Variants in TPST1 observed in about 807,000 individuals in gnomAD.
TPST1 encodes the protein tyrosylprotein sulfotransferase 1.
A neutral mutation model predicts 34.8 loss-of-function variants in TPST1; 20 were observed. The observed-to-expected ratio is 0.57, with a 90% CI of 0.40 to 0.84. The LOEUF (loss-of-function observed/expected upper bound fraction) is 0.84. TPST1 is among the 40% of genes least tolerant of loss of function. TPST1 has a pLI of 0.00. For synonymous variants in TPST1, 152 were observed against 159.4 expected, an observed-to-expected ratio of 0.95 and a Z score of 0.35; for missense variants, 353 against 455.5, an observed-to-expected ratio of 0.78 and a Z score of 2.05.
At position 66,280,795 on chromosome 7, in the gene TPST1, A is replaced by G. The variant is rs986907800; in HGVS notation, c.846-5716A>G. On this transcript the variant is annotated intron_variant, in intron 2 of 5. Transcript: ENST00000304842. ...TTTCTTGTTAGTTTAGCTATTGTTC[A>G]TTACTTGATGCTGAAATTGCTCTTA... 2.6e-5 allele frequency among the ~76,000 whole-genome samples: 4 copies of G among 152,264 alleles called. No individual in the cohort carries two copies. In the East Asian group the frequency reaches 5.8e-4, roughly 22 times the overall value.
chr7:66,329,755 A>G (rs1192669518), intron 3 of TPST1, among the ~76,000 whole-genome samples: 2 of 152,240 alleles, frequency 1.3e-5, no homozygotes, highest in African/African-American at 4.8e-5. Context: ...ACCATGAAAT[A>G]TTGCACAGCC....
At chr7:66,312,199 G>A (rs1791545105) in intron 3 of TPST1, among the ~76,000 whole-genome samples, 2 of 152,270 alleles carry the variant, frequency 1.3e-5, no homozygotes. Context: ...TTAAGAAATA[G>A]GTTCCCCTCA....
intron 3 of TPST1, among the ~76,000 whole-genome samples, chr7:66,313,512 C>A (rs1023833454): frequency 6.6e-6 from 1 of 152,136 alleles, no homozygotes; most frequent in Non-Finnish European, 1.5e-5. Context: ...GAGCAGTGGG[C>A]AGTGATCCTT....
intron 3 of TPST1, among the ~76,000 whole-genome samples, chr7:66,315,838 C>T (rs1007903227): frequency 6.6e-5 from 10 of 151,828 alleles, no homozygotes; most frequent in Admixed American, 4.6e-4. Context: ...GGGCCAGGTG[C>T]GGTAGCACAC....
intron 2 of TPST1, among the ~76,000 whole-genome samples, chr7:66,260,857 A>G (rs949648100): frequency 6.6e-6 from 1 of 152,208 alleles, no homozygotes; most frequent in African/African-American, 2.4e-5. Flanking sequence ...CTAATATCCA[A>G]TAAATTATGA....
chr7:66,342,873 G>C (rs1382818626), intron 3 of TPST1, among the ~76,000 whole-genome samples: 7 of 152,090 alleles, frequency 4.6e-5, no homozygotes, highest in Non-Finnish European at 1.0e-4. Flanking sequence ...CTTCCCACTA[G>C]GCCCCACCTT....
chr7:66,292,865 G>A (rs1216761666), intron 3 of TPST1, among the ~76,000 whole-genome samples: 3 of 151,940 alleles, frequency 2.0e-5, no homozygotes, highest in Non-Finnish European at 4.4e-5. Context: ...TTCCTATTCG[G>A]CCATCTTGGC....
intron 3 of TPST1, among the ~76,000 whole-genome samples, chr7:66,346,219 A>G (rs555808959): frequency 1.3e-5 from 2 of 151,664 alleles, no homozygotes; most frequent in Non-Finnish European, 1.5e-5. Flanking sequence ...TCCTTTATCC[A>G]TTTATCTGTT....
intron 1 of TPST1, among the ~76,000 whole-genome samples, chr7:66,223,658 G>A (rs1789591538): frequency 6.6e-6 from 1 of 151,964 alleles, no homozygotes; most frequent in African/African-American, 2.4e-5. Flanking sequence ...TGATTTATAG[G>A]TCTGAGAAGT....
chr7:66,233,884 AAG>A (rs1189124981), intron 1 of TPST1, among the ~76,000 whole-genome samples: 3 of 151,534 alleles, frequency 2.0e-5, no homozygotes, highest in African/African-American at 7.3e-5. Context: ...TTTCTGAGAC[AAG>A]AGTGTCTCTC....
At chr7:66,220,487 C>T (rs11766473) in intron 1 of TPST1, among the ~76,000 whole-genome samples, 8,757 of 152,170 alleles carry the variant, frequency 0.058, 339 homozygotes, top group Non-Finnish European at 0.083. Context: ...GGAAGGACAC[C>T]TGTGTCGTAT....
chr7:66,278,999 A>C (rs962446399), intron 2 of TPST1, among the ~76,000 whole-genome samples: 7 of 152,100 alleles, frequency 4.6e-5, no homozygotes, highest in Admixed American at 4.6e-4. Context: ...ATTGTCTGTC[A>C]CGGGGGTTTG....
At chr7:66,214,301 T>C (rs1789340304) in intron 1 of TPST1, among the ~76,000 whole-genome samples, 1 of 151,788 alleles carries the variant, frequency 6.6e-6, no homozygotes, top group African/African-American at 2.4e-5. Context: ...CAATCATATA[T>C]AATATTGTCC....
chr7:66,294,519 G>T (rs1791151970), intron 3 of TPST1, among the ~76,000 whole-genome samples: 1 of 150,976 alleles, frequency 6.6e-6, no homozygotes, highest in African/African-American at 2.4e-5. Context: ...GCAGCTATAT[G>T]GGAAGAGCTG....
intron 3 of TPST1, 81 bp from the exon 4 acceptor site, chr7:66,352,424 C>T (rs564465545): frequency 6.4e-7 from 1 of 1,551,636 alleles, no homozygotes; most frequent in African/African-American, 1.4e-5. Context: ...TAAACCCGGC[C>T]ACGGTCAGGC....
chr7:66,326,860 A>G (rs757719895), intron 3 of TPST1, among the ~76,000 whole-genome samples: 5 of 152,236 alleles, frequency 3.3e-5, no homozygotes, highest in East Asian at 3.8e-4. Flanking sequence ...TCTTCTTGAT[A>G]TAAGTATTGA....
chr7:66,278,837 G>C (rs893914537), intron 2 of TPST1, among the ~76,000 whole-genome samples: 19 of 151,906 alleles, frequency 1.3e-4, no homozygotes, highest in Non-Finnish European at 1.9e-4. Context: ...TGGAAAATAT[G>C]GATAAGTTAG....
chr7:66,279,647 A>G (rs1790893067), intron 2 of TPST1, among the ~76,000 whole-genome samples: 1 of 152,208 alleles, frequency 6.6e-6, no homozygotes, highest in Non-Finnish European at 1.5e-5. Flanking sequence ...TAGATCAGAA[A>G]CGGTCTTTGT....
chr7:66,296,912 G>T (rs1791213926), intron 3 of TPST1, among the ~76,000 whole-genome samples: 1 of 151,938 alleles, frequency 6.6e-6, no homozygotes, highest in South Asian at 2.1e-4. Flanking sequence ...AGGTTACATC[G>T]TCAGCCTTCT....
Sources: allele counts gnomAD v4.1 joint callset (sites outside exome capture counted in the v4.1 genomes callset), GRCh38; gene constraint gnomAD v4.1.1; transcripts MANE v1.5; gene names NCBI Gene and HGNC (gene_info 2026-07-23, HGNC 2026-07-21).